The following MOB3B variants were observed in gnomAD, a reference collection of about 807,000 sequenced individuals.
MOB3B encodes the protein MOB kinase activator 3B, also known as MOB kinase activator-like 2B.
A neutral mutation model predicts 18.7 loss-of-function variants in MOB3B; 7 were observed. The observed-to-expected ratio is 0.37, with a 90% confidence interval of 0.21 to 0.70. The LOEUF is 0.70. MOB3B is among the 30% of genes least tolerant of loss of function. The pLI, the probability that MOB3B is intolerant of heterozygous loss-of-function variation, is 0.52. For missense variants in MOB3B, 253 were observed against 281.3 expected, an observed-to-expected ratio of 0.90 and a Z score of 0.72; for synonymous variants, 111 against 99.9, an observed-to-expected ratio of 1.11 and a Z score of -0.66.
intron 3 of MOB3B, among the ~76,000 whole-genome samples, chr9:27,342,996 T>G (rs1820974743): frequency 6.6e-6 from 1 of 151,298 alleles, no homozygotes; most frequent in African/African-American, 2.4e-5. Context: ...CAACAGCTCA[T>G]TGAGAACGGG....
At chr9:27,352,462 G>A (rs144527366) in intron 3 of MOB3B, among the ~76,000 whole-genome samples, 130 of 151,986 alleles carry the variant, frequency 8.6e-4, no homozygotes, top group South Asian at 5.4e-3. Flanking sequence ...CTGAAGAAAT[G>A]AAGTTATTAA....
intron 3 of MOB3B, among the ~76,000 whole-genome samples, chr9:27,352,483 A>C (rs1456755187): frequency 6.6e-6 from 1 of 152,206 alleles, no homozygotes; most frequent in African/African-American, 2.4e-5. Flanking sequence ...TTATTTCTTG[A>C]AAATGCTTGT....
chr9:27,516,594 C>T (rs187137026), intron 1 of MOB3B, among the ~76,000 whole-genome samples: 212 of 152,226 alleles, frequency 1.4e-3, no homozygotes, highest in African/African-American at 4.7e-3. Context: ...GGCAAAGATG[C>T]AGAGACAAAA....
intron 1 of MOB3B, among the ~76,000 whole-genome samples, chr9:27,480,077 GCTAAGCATTCATATTATTCATATAAT>G (rs1819623944): frequency 6.6e-6 from 1 of 150,572 alleles, no homozygotes; most frequent in African/African-American, 2.4e-5. Flanking sequence ...AAAAAAAAAG[GCTAAGCATTCATATTATTCATATAAT>G]ATTTTCAGGG....
intron 2 of MOB3B, among the ~76,000 whole-genome samples, chr9:27,386,474 G>A (rs531270778): frequency 6.6e-6 from 1 of 152,320 alleles, no homozygotes; most frequent in South Asian, 2.1e-4. Flanking sequence ...CTTTGTTGAT[G>A]CAAATTTTCG....
At chr9:27,433,679 AG>A (rs1267515119) in intron 2 of MOB3B, among the ~76,000 whole-genome samples, 1 of 152,148 alleles carries the variant, frequency 6.6e-6, no homozygotes, top group Admixed American at 6.5e-5. Flanking sequence ...TGAATTGTCA[AG>A]GCCTTTAGAA....
At chr9:27,378,626 G>A in intron 2 of MOB3B, 1 of 471,060 alleles carries the variant, frequency 2.1e-6, no homozygotes, top group South Asian at 1.5e-5. Context: ...ATGGCTTTCT[G>A]GTCCATTCTC....
chr9:27,469,932 C>G (rs1819445181), intron 1 of MOB3B, among the ~76,000 whole-genome samples: 2 of 151,886 alleles, frequency 1.3e-5, no homozygotes, highest in African/African-American at 4.8e-5. Flanking sequence ...CCCCAGCCAT[C>G]TCTGCAAAAC....
chr9:27,467,841 A>G (rs1587237292), intron 1 of MOB3B, among the ~76,000 whole-genome samples: 1 of 152,264 alleles, frequency 6.6e-6, no homozygotes, highest in East Asian at 1.9e-4. Context: ...TCCAGAGTTT[A>G]GAGTTAACAG....
chr9:27,434,601 A>G (rs770641528), intron 2 of MOB3B, among the ~76,000 whole-genome samples: 8 of 152,034 alleles, frequency 5.3e-5, no homozygotes, highest in Non-Finnish European at 8.8e-5. Flanking sequence ...GGCACCTCAA[A>G]CCCAACTCAT....
At chr9:27,373,132 C>T (rs1821445925) in intron 2 of MOB3B, among the ~76,000 whole-genome samples, 1 of 152,196 alleles carries the variant, frequency 6.6e-6, no homozygotes, top group South Asian at 2.1e-4. Flanking sequence ...TACTGTTATG[C>T]TCTGATCAGG....
chr9:27,520,337 T>G (rs747688529), intron 1 of MOB3B, among the ~76,000 whole-genome samples: 2 of 152,192 alleles, frequency 1.3e-5, no homozygotes, highest in Non-Finnish European at 2.9e-5. Context: ...TGAACATGTA[T>G]AAACGATCTC....
chr9:27,471,288 A>T (rs1426511304), intron 1 of MOB3B, among the ~76,000 whole-genome samples: 2 of 152,232 alleles, frequency 1.3e-5, no homozygotes, highest in Non-Finnish European at 2.9e-5. Flanking sequence ...AAAAGTGGTC[A>T]TCTGAAGAGT....
At chr9:27,409,798 A>T (rs1822037194) in intron 2 of MOB3B, among the ~76,000 whole-genome samples, 1 of 152,238 alleles carries the variant, frequency 6.6e-6, no homozygotes, top group Non-Finnish European at 1.5e-5. Flanking sequence ...TCGAAACATT[A>T]TGCTAGGTGA....
At chr9:27,332,001 T>A (rs561718897) in intron 3 of MOB3B, among the ~76,000 whole-genome samples, 6 of 152,346 alleles carry the variant, frequency 3.9e-5, no homozygotes, top group African/African-American at 9.6e-5. Context: ...ATCTAATTTT[T>A]TCAATTTTTA....
At chr9:27,382,301 C>A (rs1299720802) in intron 2 of MOB3B, among the ~76,000 whole-genome samples, 1 of 152,116 alleles carries the variant, frequency 6.6e-6, no homozygotes, top group Non-Finnish European at 1.5e-5. Flanking sequence ...GTGGAACAAC[C>A]ACTGCTTCAG....
intron 3 of MOB3B, among the ~76,000 whole-genome samples, chr9:27,345,135 T>C (rs1403508444): frequency 6.6e-6 from 1 of 152,200 alleles, no homozygotes; most frequent in East Asian, 1.9e-4. Context: ...TCGTCTTCAC[T>C]GAAATGGTGC....
chr9:27,375,525 C>G (rs1821477476), intron 2 of MOB3B, among the ~76,000 whole-genome samples: 1 of 152,142 alleles, frequency 6.6e-6, no homozygotes, highest in Non-Finnish European at 1.5e-5. Flanking sequence ...GCTAAATTCC[C>G]TTTACTAGGG....
chr9:27,334,360 G>A (rs925904294), intron 3 of MOB3B, among the ~76,000 whole-genome samples: 14 of 151,922 alleles, frequency 9.2e-5, no homozygotes, highest in Admixed American at 6.5e-4. Context: ...AAACAAGACC[G>A]GTTATTTAAA....
Sources: gnomAD v4.1 joint callset for allele counts (sites outside exome capture counted in the v4.1 genomes callset) on GRCh38, gnomAD v4.1.1 for gene constraint, MANE v1.5 for transcripts, NCBI Gene and HGNC (gene_info 2026-07-23, HGNC 2026-07-21) for gene names.